AUH: variants seen among roughly 807,000 people sequenced by gnomAD.
The protein encoded by AUH is AU RNA binding methylglutaconyl-CoA hydratase, also known as methylglutaconyl-CoA hydratase, mitochondrial.
Under a neutral mutation model 42.3 loss-of-function variants are expected in AUH, and 29 were observed. That is an observed-to-expected ratio of 0.69 (90% confidence interval 0.51 to 0.93). The LOEUF (loss-of-function observed/expected upper bound fraction) is 0.93. Ranked by LOEUF, AUH falls within the 40% of genes least tolerant of loss-of-function variation. The probability of loss-of-function intolerance (pLI) is 0.00; values close to 1 mark genes in which losing one functional copy is unlikely to be tolerated. For synonymous variants in AUH, 174 were observed against 166.4 expected (o/e 1.05, Z -0.35); for missense variants, 452 against 438.1 (o/e 1.03, Z -0.28).
chr9:91,261,348 G>C (rs997711303), intron 6 of AUH, among the ~76,000 whole-genome samples: 1 of 152,168 alleles, frequency 6.6e-6, no homozygotes. Flanking sequence ...TTTAAGGATA[G>C]TATGGCCCTA....
At chr9:91,328,621 C>T (rs1010817043) in intron 3 of AUH, among the ~76,000 whole-genome samples, 1 of 151,910 alleles carries the variant, frequency 6.6e-6, no homozygotes, top group Non-Finnish European at 1.5e-5. Context: ...AACTTTGAGG[C>T]CAAGATCTCG....
At position 91,220,949 on chromosome 9, in the gene AUH, G is replaced by A; in HGVS notation, c.699C>T (p.Ala233=). The change falls in exon 7 of 10, where the codon GCC becomes GCT. Residue 233 remains alanine, a synonymous_variant. Transcript: ENST00000375731. ...RLPRAIGMSL[A]KELIFSARVL... is the part of the protein sequence containing the mutation. ...CTCGCGCAGAGAATATGAGCTCCTT[G>A]GCCAGGGACATTCCAATGGCGCGTG... The A allele has an allele frequency of 6.2e-7, 1 of 1,614,204 alleles. No individual in the cohort carries two copies. Among genetic ancestry groups the A allele is most frequent in the South Asian group, 1.1e-5 (1 of 91,080 alleles).
chr9:91,358,640 A>G (rs1283324557), intron 1 of AUH, among the ~76,000 whole-genome samples: 2 of 152,226 alleles, frequency 1.3e-5, no homozygotes, highest in Non-Finnish European at 2.9e-5. Flanking sequence ...CCTCTCATGC[A>G]GTAAGTATTA....
chr9:91,285,349 C>T (rs564307560), intron 6 of AUH, among the ~76,000 whole-genome samples: 5 of 152,026 alleles, frequency 3.3e-5, no homozygotes, highest in Admixed American at 6.6e-5. Context: ...TTAGGAGACA[C>T]ACCTAATGTA....
At chr9:91,216,736 A>ATGGGT (rs1826841787) in intron 8 of AUH, among the ~76,000 whole-genome samples, 1 of 152,162 alleles carries the variant, frequency 6.6e-6, no homozygotes, top group African/African-American at 2.4e-5. Context: ...AAAGTCCAAT[A>ATGGGT]AATGGGTATG....
chr9:91,354,903 A>G (rs1013511598), intron 3 of AUH, among the ~76,000 whole-genome samples: 4 of 152,146 alleles, frequency 2.6e-5, no homozygotes, highest in African/African-American at 9.7e-5. Context: ...TTCTCTTGAT[A>G]TAAGTCTTTC....
chr9:91,307,128 A>G (rs1229868876), intron 4 of AUH, among the ~76,000 whole-genome samples: 1 of 152,140 alleles, frequency 6.6e-6, no homozygotes, highest in African/African-American at 2.4e-5. Context: ...GCCATGAGGA[A>G]ATTTCTGGAG....
At chr9:91,332,323 G>A (rs566816006) in intron 3 of AUH, among the ~76,000 whole-genome samples, 1 of 152,108 alleles carries the variant, frequency 6.6e-6, no homozygotes, top group Non-Finnish European at 1.5e-5. Flanking sequence ...CCAAAATGGC[G>A]ACACCCCGAC....
intron 4 of AUH, among the ~76,000 whole-genome samples, chr9:91,319,957 A>G (rs1194424322): frequency 6.6e-6 from 1 of 152,212 alleles, no homozygotes; most frequent in Non-Finnish European, 1.5e-5. Flanking sequence ...AACTTGCCCC[A>G]GTGTCTCCTC....
intron 6 of AUH, among the ~76,000 whole-genome samples, chr9:91,265,708 AT>A (rs1829939663): frequency 6.6e-6 from 1 of 152,226 alleles, no homozygotes; most frequent in Admixed American, 6.5e-5. Flanking sequence ...ATTGTGCAAC[AT>A]CAAAATCCAT....
At chr9:91,225,285 A>G (rs1821317852) in intron 6 of AUH, among the ~76,000 whole-genome samples, 1 of 152,218 alleles carries the variant, frequency 6.6e-6, no homozygotes. Flanking sequence ...CCTAGTTAGC[A>G]TGCCATGCCT....
At chr9:91,355,734 T>C (rs1832358429) in intron 3 of AUH, 149 bp downstream of exon 3, 1 of 700,106 alleles carries the variant, frequency 1.4e-6, no homozygotes, top group East Asian at 2.7e-5. Flanking sequence ...AGACTAAGCA[T>C]GTTTTTTTCT....
intron 6 of AUH, among the ~76,000 whole-genome samples, chr9:91,244,763 G>A (rs1189546335): frequency 1.3e-5 from 2 of 152,118 alleles, no homozygotes; most frequent in Admixed American, 6.5e-5. Context: ...TAGACATGAC[G>A]AGTATTAATT....
intron 6 of AUH, among the ~76,000 whole-genome samples, chr9:91,246,612 A>T (rs1337331636): frequency 2.0e-5 from 3 of 152,268 alleles, no homozygotes; most frequent in African/African-American, 7.2e-5. Context: ...ACATAAATAC[A>T]GAACTAATAA....
chr9:91,305,481 T>C (rs1221787606), intron 4 of AUH, among the ~76,000 whole-genome samples: 1 of 152,272 alleles, frequency 6.6e-6, no homozygotes, highest in African/African-American at 2.4e-5. Flanking sequence ...TGTTGAATGA[T>C]TTAAGTGAAG....
chr9:91,242,029 AGCTTG>A (rs1410776491), intron 6 of AUH, among the ~76,000 whole-genome samples: 1 of 152,230 alleles, frequency 6.6e-6, no homozygotes, highest in East Asian at 1.9e-4. Flanking sequence ...ATCCAGGAAG[AGCTTG>A]GCTGGCTCTC....
intron 3 of AUH, among the ~76,000 whole-genome samples, chr9:91,351,198 T>C (rs144944275): frequency 8.6e-4 from 131 of 152,284 alleles, no homozygotes; most frequent in African/African-American, 2.9e-3. Flanking sequence ...CTTGAACTCC[T>C]AGGCTCAAGC....
At chr9:91,223,593 G>A (rs547868527) in intron 6 of AUH, among the ~76,000 whole-genome samples, 69 of 152,096 alleles carry the variant, frequency 4.5e-4, no homozygotes, top group Non-Finnish European at 5.3e-4. Context: ...ATACAGCGTG[G>A]GACTGCTGGA....
chr9:91,323,606 A>T (rs1326502630), intron 4 of AUH, among the ~76,000 whole-genome samples: 1 of 151,010 alleles, frequency 6.6e-6, no homozygotes, highest in Non-Finnish European at 1.5e-5. Flanking sequence ...CTGGTGATAG[A>T]GCGAGACTCC....
Sources: allele counts gnomAD v4.1 joint callset (sites outside exome capture counted in the v4.1 genomes callset), GRCh38; gene constraint gnomAD v4.1.1; transcripts MANE v1.5; gene names NCBI Gene and HGNC (gene_info 2026-07-23, HGNC 2026-07-21).